The following PDE1A variants were observed in gnomAD, a reference collection of about 807,000 sequenced individuals.
PDE1A encodes dual specificity calcium/calmodulin-dependent 3',5'-cyclic nucleotide phosphodiesterase 1A.
A neutral mutation model predicts 61.7 loss-of-function variants in PDE1A; 35 were observed. The observed-to-expected ratio is 0.57, with a 90% CI of 0.43 to 0.75. PDE1A has a LOEUF of 0.75. Among genes scored for constraint, PDE1A ranks in the 30% least tolerant of loss-of-function variants. The pLI, the probability that PDE1A is intolerant of heterozygous loss-of-function variation, is 0.00. For synonymous variants in PDE1A, 232 were observed against 213.2 expected, an observed-to-expected ratio of 1.09 and a Z score of -0.77; for missense variants, 597 against 630.6, an observed-to-expected ratio of 0.95 and a Z score of 0.57.
chr2:182,683,993 C>T, the PDE1A span, among the ~76,000 whole-genome samples: 1 of 151,798 alleles, frequency 6.6e-6, no homozygotes, highest in African/African-American at 2.4e-5. Context: ...TGTGGTGGCG[C>T]ATGCCTGTAA....
intron 13 of PDE1A, among the ~76,000 whole-genome samples, chr2:182,154,768 G>A (rs1347327338): frequency 6.6e-6 from 1 of 152,106 alleles, no homozygotes; most frequent in Non-Finnish European, 1.5e-5. Flanking sequence ...TTTATTAGCA[G>A]TGTGAGAACA....
rs182157730 is a variant in PDE1A, at chr2:182,452,614, T to C, written c.101+69662A>G. Among the ~76,000 whole-genome samples, 472 of 152,276 alleles carry C rather than the reference T, an allele frequency of 3.1e-3. 3 individuals carry two copies. Among genetic ancestry groups the C allele is most frequent in the Admixed American group, 5.7e-3 (87 of 15,270 alleles). On this transcript the variant is annotated intron_variant, in intron 2 of 14. Coordinates refer to the PDE1A transcript ENST00000410103. ...AGTGAACAATGCCACTACATTTTAC[T>C]GGAACAGATTGTTGCAATGAAGCAT...
intron 1 of PDE1A, among the ~76,000 whole-genome samples, chr2:182,420,760 G>C (rs1209846972): frequency 6.6e-6 from 1 of 152,188 alleles, no homozygotes; most frequent in Non-Finnish European, 1.5e-5. Flanking sequence ...CTTCAGTGCA[G>C]CTGGCTTGGA....
intron 1 of PDE1A, among the ~76,000 whole-genome samples, chr2:182,321,397 A>C (rs986790550): frequency 1.3e-5 from 2 of 152,222 alleles, no homozygotes; most frequent in African/African-American, 4.8e-5. Context: ...TCTGATGATT[A>C]GTTACAAATC....
chr2:182,593,269 G>T, the PDE1A span, among the ~76,000 whole-genome samples: 1 of 152,296 alleles, frequency 6.6e-6, no homozygotes, highest in Admixed American at 6.5e-5. Flanking sequence ...TCACCTGCTG[G>T]TGGAATTTGG....
At chr2:182,521,453 T>C (rs75932376) in intron 2 of PDE1A, among the ~76,000 whole-genome samples, 1 of 152,108 alleles carries the variant, frequency 6.6e-6, no homozygotes, top group African/African-American at 2.4e-5. Context: ...CTCATTTTTA[T>C]CCAAATGTTA....
rs961130779 is a variant in PDE1A at position 182,387,776 on chromosome 2, A to G, written c.53+38802T>C. ...CCATCTTAAAAAAAAAAAAGAAAGA[A>G]AAAAGAAAGAAAGAATCACTCTACA... On this transcript the variant is annotated intron_variant, in intron 1 of 13. Transcript: ENST00000351439. 4.6e-5 allele frequency among the ~76,000 whole-genome samples: 7 copies of G among 152,192 alleles called. No homozygotes were observed. In the East Asian group the frequency reaches 1.2e-3, roughly 25 times the overall value.
At chr2:182,707,841 A>G in the PDE1A span, among the ~76,000 whole-genome samples, 1 of 152,178 alleles carries the variant, frequency 6.6e-6, no homozygotes, top group Admixed American at 6.5e-5. Context: ...AATTGTGGTT[A>G]CTAGAGGCTG....
intron 10 of PDE1A, among the ~76,000 whole-genome samples, chr2:182,191,577 TTAGAA>T (rs1685689784): frequency 1.3e-5 from 2 of 151,978 alleles, no homozygotes; most frequent in Non-Finnish European, 2.9e-5. Flanking sequence ...GTCAGTAGTC[TTAGAA>T]TCAGAAGATA....
intron 1 of PDE1A, among the ~76,000 whole-genome samples, chr2:182,376,764 G>T (rs978787447): frequency 7.9e-5 from 12 of 152,196 alleles, no homozygotes; most frequent in African/African-American, 2.9e-4. Context: ...AAAGAAAGAG[G>T]TTTAATTGGA....
chr2:182,282,880 T>C lies in PDE1A; in HGVS notation c.54-18466A>G, dbSNP rs866204551. Among the ~76,000 whole-genome samples, 6 of 152,076 alleles carry C rather than the reference T, an allele frequency of 3.9e-5. 1 individual carries two copies. The East Asian group carries it at 5.8e-4, about 15-fold the overall frequency. On this transcript the variant is annotated intron_variant, in intron 1 of 13. Coordinates refer to ENST00000351439, the Ensembl canonical transcript of PDE1A. ...AAAAGCCCTAATGAAATAGTCTCAA[T>C]TGGAAAATGTGGACACTGCGCCTTA...
chr2:182,510,240 G>A (rs58786868), intron 2 of PDE1A, among the ~76,000 whole-genome samples: 10,025 of 152,128 alleles, frequency 0.066, 351 homozygotes, highest in Middle Eastern at 0.1. Context: ...AAAGGGTCAT[G>A]TTTCATATAT....
At chr2:182,465,081 A>T (rs1175116823) in intron 2 of PDE1A, among the ~76,000 whole-genome samples, 1 of 152,132 alleles carries the variant, frequency 6.6e-6, no homozygotes, top group Admixed American at 6.6e-5. Context: ...AGTTTTTTTA[A>T]TTTGACTTAA....
chr2:182,253,616 G>A (rs1691564235), intron 2 of PDE1A, among the ~76,000 whole-genome samples: 1 of 152,112 alleles, frequency 6.6e-6, no homozygotes, highest in Admixed American at 6.6e-5. Context: ...ACTGATTAGT[G>A]AACTGGAGAA....
At chr2:182,596,591 T>C in the PDE1A span, among the ~76,000 whole-genome samples, 4 of 152,172 alleles carry the variant, frequency 2.6e-5, no homozygotes, top group Non-Finnish European at 4.4e-5. Context: ...GGTAACTCCA[T>C]TGAAAAACAA....
the PDE1A span, among the ~76,000 whole-genome samples, chr2:182,624,676 C>T: frequency 6.6e-6 from 1 of 152,204 alleles, no homozygotes; most frequent in Non-Finnish European, 1.5e-5. Flanking sequence ...CCTGTCAGTC[C>T]CCTTCTTGAG....
rs375962956 is a variant in PDE1A at position 182,262,511 on chromosome 2, C to T, written c.167+1790G>A. Among the ~76,000 whole-genome samples, 8 of 152,198 alleles carry T rather than the reference C, an allele frequency of 5.3e-5. 1 individual carries two copies. The highest frequency in any genetic ancestry group is 1.7e-4 in the African/African-American group (7 of 41,550). Reference sequence around the variant, plus strand: ...TGAACTCCTGGGCTCAAAAGTGATCCGCCCACTTCAGCCTCCCAAAATGCT... The same window carrying T: ...TGAACTCCTGGGCTCAAAAGTGATCTGCCCACTTCAGCCTCCCAAAATGCT... On this transcript the variant is annotated intron_variant, in intron 2 of 13. Coordinates refer to ENST00000351439, the Ensembl canonical transcript of PDE1A.
chr2:182,378,102 T>A (rs183893667), intron 1 of PDE1A, among the ~76,000 whole-genome samples: 1 of 152,294 alleles, frequency 6.6e-6, no homozygotes, highest in East Asian at 1.9e-4. Context: ...CGCCTCAGCC[T>A]CCCAAAGTGC....
chr2:182,416,683 T>G (rs553156817), intron 1 of PDE1A, among the ~76,000 whole-genome samples: 1 of 152,262 alleles, frequency 6.6e-6, no homozygotes, highest in East Asian at 1.9e-4. Context: ...GCACAGTGAA[T>G]TTCAGAAAAA....
Sources: allele counts gnomAD v4.1 joint callset (sites outside exome capture counted in the v4.1 genomes callset), GRCh38; gene constraint gnomAD v4.1.1; transcripts MANE v1.5; gene names NCBI Gene and HGNC (gene_info 2026-07-23, HGNC 2026-07-21).